HPS3: variants seen among roughly 807,000 people sequenced by gnomAD.
The protein encoded by HPS3 is HPS3 biogenesis of lysosomal organelles complex 2 subunit 1.
Under a neutral mutation model 110.9 loss-of-function variants are expected in HPS3, and 79 were observed. The observed-to-expected ratio is 0.71, with a 90% CI of 0.59 to 0.86. HPS3 has a LOEUF of 0.86. Ranked by LOEUF, HPS3 falls within the 40% of genes least tolerant of loss-of-function variation. The pLI, the probability that HPS3 is intolerant of heterozygous loss-of-function variation, is 0.00. For synonymous variants in HPS3, 428 were observed against 451.0 expected (o/e 0.95, Z 0.65); for missense variants, 1,197 against 1,206.2 (o/e 0.99, Z 0.11).
intron 1 of HPS3, among the ~76,000 whole-genome samples, chr3:149,133,637 C>T (rs1383357755): frequency 6.6e-6 from 1 of 152,152 alleles, no homozygotes; most frequent in Non-Finnish European, 1.5e-5. Flanking sequence ...ACAGCCACCC[C>T]AGCCTCCAGT....
In HPS3 at chr3:149,163,846, A is replaced by C; in HGVS notation, c.2486A>C (p.Asn829Thr). Residue 829 changes from asparagine (N) to threonine (T), a missense_variant, in exon 14 of 17, where the codon AAT (asparagine) becomes ACT (threonine). Physicochemically the swap from Asn to Thr is moderately conservative, Grantham distance 65 (BLOSUM62 0). Transcript: ENST00000296051. ...TPLRTSEDLINACSHYGLIYP... is the reference protein window; with the variant it reads ...TPLRTSEDLITACSHYGLIYP... The stretch of plus-strand genomic sequence containing the variant: ...AGAAATTCTTTTATGTTTTAGATAA[A>C]TGCCTGTAGTCATTATGGCTTAATT... The C allele has an allele frequency of 1.3e-6, 2 of 1,501,066 alleles. No homozygotes were observed. The highest frequency in any genetic ancestry group is 1.9e-6 in the Non-Finnish European group (2 of 1,076,914). 93.0% of individuals were successfully genotyped at this position (1,501,066 alleles called of 1,614,324 possible).
At chr3:149,151,155 G>A (rs1292079373) in intron 6 of HPS3, among the ~76,000 whole-genome samples, 1 of 151,452 alleles carries the variant, frequency 6.6e-6, no homozygotes. Flanking sequence ...CTACAGGTGT[G>A]CACCACCATG....
chr3:149,147,893 G>A lies in HPS3; in HGVS notation c.1163+2347G>A, dbSNP rs1017570019. On this transcript the variant is annotated intron_variant, in intron 5 of 16. Coordinates refer to ENST00000296051, the MANE Select transcript of HPS3 (RefSeq NM_032383.5). Reference sequence around the variant, plus strand: ...CCACTCCTGTTTTTCAAATCAAATCGGAGTTTCTCTTTTGTTGCCCAGGCT... The same window carrying A: ...CCACTCCTGTTTTTCAAATCAAATCAGAGTTTCTCTTTTGTTGCCCAGGCT... Among the ~76,000 whole-genome samples the A allele has an allele frequency of 3.3e-5, 5 of 152,018 alleles. No individual in the cohort carries two copies. In the East Asian group the frequency reaches 5.8e-4, roughly 18 times the overall value.
chr3:149,162,784 A>C lies in HPS3; in HGVS notation c.2387A>C (p.Gln796Pro). The C allele has an allele frequency of 3.1e-6, 5 of 1,613,960 alleles. No homozygotes were observed. Among genetic ancestry groups the C allele is most frequent in the Non-Finnish European group, 4.2e-6 (5 of 1,179,876 alleles). ...LVACLPDVVL[Q>P]ELFFKLTSQY... is the part of the protein sequence containing the mutation. ...GCATGTCTCCCAGATGTGGTACTTC[A>C]GGAACTCTTTTTCAAACTCACATCA... The change falls in exon 13 of 17, where the codon CAG (glutamine) becomes CCG (proline). Residue 796 changes from glutamine to proline, a missense_variant. Transcript: ENST00000296051.
At chr3:149,134,807 G>A (rs756806831) in intron 1 of HPS3, among the ~76,000 whole-genome samples, 2 of 152,154 alleles carry the variant, frequency 1.3e-5, no homozygotes, top group Non-Finnish European at 2.9e-5. Context: ...GAGTCATGTG[G>A]GATGGAATTA....
At position 149,129,952 on chromosome 3, in the gene HPS3, A is replaced by G. The variant is rs1559902482; in HGVS notation, c.217+12A>G. 3 of 1,536,730 alleles carry G rather than the reference A, an allele frequency of 2.0e-6. No individual in the cohort carries two copies. Among genetic ancestry groups the G allele is most frequent in the African/African-American group, 2.7e-5 (2 of 72,996 alleles). Reference sequence around the variant, plus strand: ...CTACAGCGAGGCTGGTGAGTAATCTAGAGAGCCAGGGGCCGCCTGGGGTCC... The same window carrying G: ...CTACAGCGAGGCTGGTGAGTAATCTGGAGAGCCAGGGGCCGCCTGGGGTCC... On this transcript the variant is annotated intron_variant, in intron 1 of 16. Coordinates refer to ENST00000296051, the MANE Select transcript of HPS3 (RefSeq NM_032383.5).
Position 149,141,348 on chromosome 3 carries a change from A to G in HPS3, c.938A>G (p.His313Arg), listed in dbSNP as rs910569690. The G allele has an allele frequency of 1.1e-5, 17 of 1,613,906 alleles. 1 individual carries two copies. The highest frequency in any genetic ancestry group is 5.5e-5 in the South Asian group (5 of 91,074). The change falls in exon 4 of 17, where the codon CAT (histidine) becomes CGT (arginine). Residue 313 changes from histidine (H) to arginine (R), a missense_variant. Coordinates refer to ENST00000296051, the MANE Select transcript of HPS3 (RefSeq NM_032383.5). ...GTCTTGTCTGATGACATCAAGCTACATTCCCTCCAGCTGCTACCCATTTAC... is the reference window on the plus strand; with the variant it reads ...GTCTTGTCTGATGACATCAAGCTACGTTCCCTCCAGCTGCTACCCATTTAC... ...SYVLSDDIKL[H>R]SLQLLPIYQT...
At chr3:149,136,953 A>G (rs1195566691) in intron 1 of HPS3, among the ~76,000 whole-genome samples, 2 of 152,218 alleles carry the variant, frequency 1.3e-5, no homozygotes, top group African/African-American at 4.8e-5. Context: ...TATAGGCAAC[A>G]GAAGAAAAAT....
chr3:149,139,593 A>G (rs892723342), intron 1 of HPS3, among the ~76,000 whole-genome samples: 2 of 152,246 alleles, frequency 1.3e-5, no homozygotes, highest in African/African-American at 4.8e-5. Context: ...TGTGGGAAGG[A>G]GAGGGTTTGA....
chr3:149,141,725 C>T (rs1409572677), intron 4 of HPS3, among the ~76,000 whole-genome samples: 5 of 150,698 alleles, frequency 3.3e-5, no homozygotes, highest in East Asian at 2.0e-4. Flanking sequence ...TTAGCAGAGA[C>T]GGGGTTTCAC....
rs1006160869 is a variant in HPS3 at position 149,140,118 on chromosome 3, A to G, written c.332A>G (p.His111Arg). ...NSRVCIRMIGHNVEGPFSKAF... is the reference protein window; with the variant it reads ...NSRVCIRMIGRNVEGPFSKAF... ...CGTGTGTGTATCCGAATGATTGGGC[A>G]TAATGTGGAGGGACCATTCAGCAAA... Residue 111 changes from histidine to arginine, a missense_variant, in exon 2 of 17, where the codon CAT (histidine) becomes CGT (arginine). His to Arg is a conservative substitution (Grantham distance 29). Coordinates refer to ENST00000296051, the MANE Select transcript of HPS3 (RefSeq NM_032383.5). 6.2e-7 allele frequency: 1 copy of G among 1,613,652 alleles called. No homozygotes were observed.
At chr3:149,164,886 G>C (rs781080135) in intron 14 of HPS3, among the ~76,000 whole-genome samples, 12 of 151,960 alleles carry the variant, frequency 7.9e-5, no homozygotes, top group African/African-American at 2.7e-4. Context: ...GCCTCTTTAG[G>C]CTTTTGAATT....
At chr3:149,135,101 A>G (rs1722010509) in intron 1 of HPS3, among the ~76,000 whole-genome samples, 1 of 152,136 alleles carries the variant, frequency 6.6e-6, no homozygotes, top group African/African-American at 2.4e-5. Flanking sequence ...TCAGCCATCT[A>G]TGTTTACTAA....
chr3:149,162,600 C>A, intron 12 of HPS3, 90 bp from the exon 13 acceptor site: 2 of 1,327,714 alleles, frequency 1.5e-6, no homozygotes, highest in Non-Finnish European at 2.2e-6. Context: ...GATTGCGTGG[C>A]CCATGTGATG....
At chr3:149,153,958 GA>G (rs1723289799) in intron 7 of HPS3, 1 of 341,760 alleles carries the variant, frequency 2.9e-6, no homozygotes, top group Non-Finnish European at 5.4e-6. Flanking sequence ...AATGCTAATT[GA>G]AACTACAGGA....
intron 1 of HPS3, among the ~76,000 whole-genome samples, chr3:149,138,848 C>G (rs566184895): frequency 4.0e-4 from 61 of 152,280 alleles, no homozygotes; most frequent in African/African-American, 1.4e-3. Context: ...CGTGAGAGTC[C>G]ATGTTTCTCT....
At chr3:149,141,518 AG>A in intron 4 of HPS3, 138 bp downstream of exon 4, 9 of 560,774 alleles carry the variant, frequency 1.6e-5, no homozygotes, top group Non-Finnish European at 2.5e-5. Flanking sequence ...CCTTTAACAA[AG>A]TTTTTTTTTT....
At chr3:149,155,462 C>A (rs192372748) in intron 8 of HPS3, among the ~76,000 whole-genome samples, 5 of 152,204 alleles carry the variant, frequency 3.3e-5, no homozygotes, top group Non-Finnish European at 5.9e-5. Context: ...CTAAGAAGAT[C>A]GATTGGCCAA....
At position 149,167,169 on chromosome 3, in the gene HPS3, G is replaced by C. The variant is rs1724507942; in HGVS notation, c.2725G>C (p.Asp909His). ...TRLKEYEQCI[D>H]ILLERCPEAV... ...CTTGAAAGAGTATGAACAGTGCATAGACATACTGTTAGAGAGATGCCCGGA... is the reference window on the plus strand; with the variant it reads ...CTTGAAAGAGTATGAACAGTGCATACACATACTGTTAGAGAGATGCCCGGA... Residue 909 changes from aspartate (D) to histidine (H), a missense_variant, in exon 15 of 17, where the codon GAC (aspartate) becomes CAC (histidine). By Grantham distance (81) the Asp-to-His change is moderately conservative (BLOSUM62 -1). Transcript: ENST00000296051. The C allele has an allele frequency of 6.2e-7, 1 of 1,613,298 alleles. No homozygotes were observed. Among genetic ancestry groups the C allele is most frequent in the South Asian group, 1.1e-5 (1 of 91,068 alleles).
Sources: gnomAD v4.1 joint callset for allele counts (sites outside exome capture counted in the v4.1 genomes callset) on GRCh38, gnomAD v4.1.1 for gene constraint, MANE v1.5 for transcripts, NCBI Gene and HGNC (gene_info 2026-07-23, HGNC 2026-07-21) for gene names.